The following XKR9 variants were observed in gnomAD, a reference collection of about 807,000 sequenced individuals.
XKR9 encodes XK related 9.
In XKR9, 32 loss-of-function variants were observed where a neutral mutation model predicts 32.0. The observed-to-expected ratio is 1.00, with a 90% CI of 0.76 to 1.34. The LOEUF (loss-of-function observed/expected upper bound fraction) is 1.34. Among genes scored for constraint, XKR9 ranks in the 40% most tolerant of loss-of-function variants. The pLI is 0.00. For missense variants in XKR9, 546 were observed against 429.7 expected (o/e 1.27, Z -2.39); for synonymous variants, 168 against 143.4 (o/e 1.17, Z -1.22).
At chr8:70,752,236 AACAC>A (rs1211496341) in intron 2 of XKR9, among the ~76,000 whole-genome samples, 1 of 152,192 alleles carries the variant, frequency 6.6e-6, no homozygotes, top group African/African-American at 2.4e-5. Context: ...GCTTCTTTAA[AACAC>A]AACATTTAAA....
At chr8:71,042,469 A>G in the XKR9 span, among the ~76,000 whole-genome samples, 1 of 152,084 alleles carries the variant, frequency 6.6e-6, no homozygotes, top group Non-Finnish European at 1.5e-5. Context: ...GCCTCAGTTT[A>G]CTCATCTGTA....
the XKR9 span, among the ~76,000 whole-genome samples, chr8:71,050,323 A>T: frequency 6.8e-6 from 1 of 147,932 alleles, no homozygotes; most frequent in Non-Finnish European, 1.5e-5. Context: ...ATAGATATAG[A>T]TATATATGGC....
the XKR9 span, among the ~76,000 whole-genome samples, chr8:70,817,723 G>A: frequency 3.9e-5 from 6 of 152,026 alleles, no homozygotes; most frequent in East Asian, 1.9e-4. Context: ...GATTTCAAAC[G>A]ATACTACAAG....
chr8:71,016,458 T>C, the XKR9 span, among the ~76,000 whole-genome samples: 1 of 152,142 alleles, frequency 6.6e-6, no homozygotes, highest in Non-Finnish European at 1.5e-5. Context: ...GGAAAAGCCC[T>C]CATCACAAAA....
At chr8:70,944,738 G>C in the XKR9 span, among the ~76,000 whole-genome samples, 1 of 152,140 alleles carries the variant, frequency 6.6e-6, no homozygotes, top group African/African-American at 2.4e-5. Context: ...CAACCTAAGA[G>C]GAAAGAGATT....
At chr8:70,962,271 A>C in the XKR9 span, among the ~76,000 whole-genome samples, 7 of 152,144 alleles carry the variant, frequency 4.6e-5, no homozygotes, top group African/African-American at 7.2e-5. Flanking sequence ...TGGATTAGTT[A>C]CTGGGTTATA....
downstream of XKR9, among the ~76,000 whole-genome samples, chr8:70,795,054 T>C (rs1383270177): frequency 6.6e-6 from 1 of 152,066 alleles, no homozygotes; most frequent in African/African-American, 2.4e-5. Context: ...TGGGGGTTTA[T>C]TGTACAGATT....
the XKR9 span, among the ~76,000 whole-genome samples, chr8:70,941,033 G>A: frequency 1.3e-5 from 2 of 151,982 alleles, no homozygotes; most frequent in Admixed American, 6.6e-5. Context: ...CAATTCAGTG[G>A]CATTTAGTAC....
chr8:71,008,225 T>C, the XKR9 span, among the ~76,000 whole-genome samples: 1 of 152,062 alleles, frequency 6.6e-6, no homozygotes, highest in Non-Finnish European at 1.5e-5. Flanking sequence ...ATGGAGGAGG[T>C]ACAAGGGCAA....
At chr8:70,902,880 C>T in the XKR9 span, among the ~76,000 whole-genome samples, 1 of 152,024 alleles carries the variant, frequency 6.6e-6, no homozygotes, top group East Asian at 1.9e-4. Context: ...GCATCTATTT[C>T]TGCATCTATT....
chr8:70,948,221 T>A, the XKR9 span, among the ~76,000 whole-genome samples: 1 of 151,896 alleles, frequency 6.6e-6, no homozygotes, highest in Non-Finnish European at 1.5e-5. Context: ...ACAGGCATCA[T>A]TCGTGCCAGT....
intron 2 of XKR9, among the ~76,000 whole-genome samples, chr8:70,765,997 G>T (rs945114847): frequency 1.3e-5 from 2 of 151,992 alleles, no homozygotes; most frequent in African/African-American, 4.8e-5. Context: ...TTCTTGTTTT[G>T]GTTACTATAG....
At chr8:70,953,979 T>C in the XKR9 span, among the ~76,000 whole-genome samples, 1 of 152,100 alleles carries the variant, frequency 6.6e-6, no homozygotes, top group Non-Finnish European at 1.5e-5. Context: ...TGGAGGCCAT[T>C]CTTTAGGGAA....
intron 2 of XKR9, among the ~76,000 whole-genome samples, chr8:70,781,368 G>T (rs933280958): frequency 1.3e-5 from 2 of 151,852 alleles, no homozygotes. Context: ...GATTTTGTGG[G>T]TTGTCTTTTT....
the XKR9 span, among the ~76,000 whole-genome samples, chr8:70,985,484 C>A: frequency 2.0e-5 from 3 of 152,180 alleles, no homozygotes; most frequent in Non-Finnish European, 4.4e-5. Flanking sequence ...TAGGTGACAT[C>A]ATCACAATGC....
intron 2 of XKR9, among the ~76,000 whole-genome samples, chr8:70,781,391 TC>T: frequency 6.6e-6 from 1 of 152,230 alleles, no homozygotes. Flanking sequence ...TTTCTTTTTT[TC>T]CTTTTATTTT....
the XKR9 span, among the ~76,000 whole-genome samples, chr8:70,828,432 T>A: frequency 6.6e-6 from 1 of 152,070 alleles, no homozygotes; most frequent in Non-Finnish European, 1.5e-5. Context: ...GTCAGTGTAA[T>A]GTATAAGAAA....
chr8:70,748,964 C>T (rs1292600890), intron 2 of XKR9, among the ~76,000 whole-genome samples: 1 of 152,100 alleles, frequency 6.6e-6, no homozygotes, highest in Non-Finnish European at 1.5e-5. Flanking sequence ...AAGGAGCTAC[C>T]CACCATAGGT....
At chr8:70,986,257 C>T in the XKR9 span, among the ~76,000 whole-genome samples, 48,257 of 151,804 alleles carry the variant, frequency 0.32, 8,938 homozygotes, top group Non-Finnish European at 0.43. Context: ...CTTTCTCATC[C>T]ATAAAATAGG....
Sources: gnomAD v4.1 joint callset for allele counts (sites outside exome capture counted in the v4.1 genomes callset) on GRCh38, gnomAD v4.1.1 for gene constraint, MANE v1.5 for transcripts, NCBI Gene and HGNC (gene_info 2026-07-23, HGNC 2026-07-21) for gene names.